SIPA1L3: variants seen among roughly 807,000 people sequenced by gnomAD.
The protein encoded by SIPA1L3 is signal induced proliferation associated 1 like 3, also known as signal-induced proliferation-associated 1-like protein 3.
SIPA1L3 carries 59 observed loss-of-function variants against 150.1 expected under a neutral mutation model. That is an observed-to-expected ratio of 0.39 (90% confidence interval 0.32 to 0.49). The LOEUF (loss-of-function observed/expected upper bound fraction) is 0.49. Ranked by LOEUF, SIPA1L3 falls within the 20% of genes least tolerant of loss-of-function variation. SIPA1L3 has a pLI of 0.86. For missense variants in SIPA1L3, 2,211 were observed against 2,489.5 expected (o/e 0.89, Z 2.38); for synonymous variants, 1,070 against 1,077.6 (o/e 0.99, Z 0.14).
intron 1 of SIPA1L3, among the ~76,000 whole-genome samples, chr19:37,991,962 C>G (rs1347265670): frequency 6.6e-6 from 1 of 152,158 alleles, no homozygotes; most frequent in Non-Finnish European, 1.5e-5. Context: ...CTTCATTTTT[C>G]AAATACCTGC....
chr19:38,204,000 TCTC>T (rs1973148177), intron 20 of SIPA1L3, 124 bp from the exon 21 acceptor site: 1 of 699,376 alleles, frequency 1.4e-6, no homozygotes, highest in Admixed American at 2.7e-5. Context: ...CCTCAGAGCT[TCTC>T]CTCAGGCTTT....
Position 38,164,708 on chromosome 19 carries a change from C to A in SIPA1L3, c.4010C>A (p.Pro1337His), listed in dbSNP as rs370013723. Residue 1337 changes from proline (P) to histidine (H), a missense_variant, in exon 15 of 22, where the codon CCC becomes CAC. Coordinates refer to ENST00000222345, the MANE Select transcript of SIPA1L3 (RefSeq NM_015073.3). This position sits in a 1 kb window ranked among gnomAD's most constrained non-coding sequence, Gnocchi z 4.1. The stretch of plus-strand genomic sequence containing the variant: ...CCACGGCCCGCCAAGCCACACAAGC[C>A]CCCTGGAAGTATGGGCCTTTGTGGC... ...KAPRPAKPHK[P>H]PGSMGLCGGG... 8.7e-6 allele frequency: 14 copies of A among 1,613,990 alleles called. No individual in the cohort carries two copies. Among genetic ancestry groups the A allele is most frequent in the Non-Finnish European group, 2.5e-6 (3 of 1,180,006 alleles).
chr19:38,051,154 A>C (rs1181258423), intron 2 of SIPA1L3, among the ~76,000 whole-genome samples: 2 of 152,220 alleles, frequency 1.3e-5, no homozygotes, highest in Non-Finnish European at 2.9e-5. Context: ...CATTTACCAG[A>C]GTTTTCTCCT....
At chr19:38,196,521 TGGAGGTCAAGGGCAGAGCAA>T (rs1487204309) in intron 18 of SIPA1L3, among the ~76,000 whole-genome samples, 32 of 118,962 alleles carry the variant, frequency 2.7e-4, no homozygotes, top group African/African-American at 1.1e-3. Flanking sequence ...GGGAGGAGCA[TGGAGGTCAAGGGCAGAGCAA>T]GGAGGTCAAG....
At chr19:38,060,578 C>T (rs542402594) in intron 2 of SIPA1L3, among the ~76,000 whole-genome samples, 109 of 152,342 alleles carry the variant, frequency 7.2e-4, no homozygotes, top group African/African-American at 2.5e-3. Context: ...CACCGTCGCT[C>T]CCCTCCCTGA....
chr19:37,978,112 G>A (rs760887273), intron 1 of SIPA1L3, among the ~76,000 whole-genome samples: 1 of 152,292 alleles, frequency 6.6e-6, no homozygotes, highest in South Asian at 2.1e-4. Flanking sequence ...CAGCCTGTCC[G>A]GTGTGACAGT....
At chr19:37,988,194 A>G (rs1203000762) in intron 1 of SIPA1L3, among the ~76,000 whole-genome samples, 1 of 151,976 alleles carries the variant, frequency 6.6e-6, no homozygotes, top group Non-Finnish European at 1.5e-5. Context: ...AGAACCTCCC[A>G]TGGGATCTGG....
intron 1 of SIPA1L3, among the ~76,000 whole-genome samples, chr19:38,002,335 T>C (rs779437167): frequency 6.6e-6 from 1 of 152,206 alleles, no homozygotes; most frequent in Non-Finnish European, 1.5e-5. Flanking sequence ...TTTAGTATCA[T>C]GTCTTTAAGG....
chr19:37,932,961 G>A (rs946079842), intron 1 of SIPA1L3, among the ~76,000 whole-genome samples: 3 of 151,712 alleles, frequency 2.0e-5, no homozygotes, highest in Admixed American at 6.6e-5. Context: ...CTTCTGTGCC[G>A]GGGCTGGGGG....
At chr19:37,966,742 C>T (rs1195711492) in intron 1 of SIPA1L3, among the ~76,000 whole-genome samples, 1 of 152,190 alleles carries the variant, frequency 6.6e-6, no homozygotes, top group African/African-American at 2.4e-5. Context: ...CATTCATGCC[C>T]ACTTACTCTC....
rs559599724 is a variant in SIPA1L3 at position 38,206,572 on chromosome 19, G to A, written c.*332G>A. On this transcript the variant is annotated 3_prime_UTR_variant, in exon 22 of 22. Transcript: ENST00000222345. ...TGGGACCAGCCCTTCGAAGCTGATG[G>A]GGACGGAGAGAGGAGCCAGTCTCCA... 8.6e-5 allele frequency: 19 copies of A among 221,572 alleles called. No individual in the cohort carries two copies. The highest frequency in any genetic ancestry group is 3.6e-4 in the African/African-American group (16 of 44,024). The allele number at this position is 221,572 out of a possible 1,614,324, so 13.7% of individuals were successfully genotyped here.
In SIPA1L3 at chr19:38,059,528, A is replaced by G. The variant is rs73628689; in HGVS notation, c.-310-21728A>G. ...CATGTTAGCTGAGATTTTAAAATAC[A>G]TTTGTATACATTTTAAAGTTGCTTA... On this transcript the variant is annotated intron_variant, in intron 2 of 21. Transcript: ENST00000222345. 1.4e-3 allele frequency among the ~76,000 whole-genome samples: 214 copies of G among 152,216 alleles called. 1 individual carries two copies. The highest frequency in any genetic ancestry group is 5.0e-3 in the African/African-American group (206 of 41,528).
intron 18 of SIPA1L3, among the ~76,000 whole-genome samples, chr19:38,197,054 T>C (rs1972972068): frequency 6.6e-6 from 1 of 152,136 alleles, no homozygotes; most frequent in South Asian, 2.1e-4. Flanking sequence ...CTGGAAGCCA[T>C]GTGAGCCCAG....
intron 6 of SIPA1L3, 158 bp from the exon 7 acceptor site, chr19:38,106,379 T>G: frequency 3.2e-6 from 2 of 625,092 alleles, no homozygotes; most frequent in Non-Finnish European, 2.9e-6. Flanking sequence ...AGTGCTGGGA[T>G]TATAGGTGTG....
At chr19:38,004,448 G>C (rs1417189706) in intron 1 of SIPA1L3, among the ~76,000 whole-genome samples, 1 of 152,208 alleles carries the variant, frequency 6.6e-6, no homozygotes. Context: ...TGGGCTGGCT[G>C]GTCCAGGAGC....
chr19:37,994,854 GA>G (rs1239956600), intron 1 of SIPA1L3, among the ~76,000 whole-genome samples: 1 of 152,194 alleles, frequency 6.6e-6, no homozygotes, highest in Non-Finnish European at 1.5e-5. Context: ...GAGCAGTAGA[GA>G]CGCCCCATTG....
In SIPA1L3 at chr19:37,917,227, C is replaced by T. The variant is rs76239834; in HGVS notation, c.-379+9869C>T. Among the ~76,000 whole-genome samples, 73 of 152,190 alleles carry T rather than the reference C, an allele frequency of 4.8e-4. 1 individual carries two copies. In the East Asian group the frequency reaches 9.8e-3, roughly 20 times the overall value. On this transcript the variant is annotated intron_variant, in intron 1 of 21. Coordinates refer to ENST00000222345, the MANE Select transcript of SIPA1L3 (RefSeq NM_015073.3). ...TGGTACCAGCCATGTTTCAAGTGCT[C>T]GGTGGCTACATGTGGCTAATGGCTA... is the stretch of plus-strand genomic sequence containing the variant.
At chr19:38,117,633 G>A (rs1970917676) in intron 8 of SIPA1L3, among the ~76,000 whole-genome samples, 1 of 148,028 alleles carries the variant, frequency 6.8e-6, no homozygotes, top group African/African-American at 2.5e-5. Flanking sequence ...AAAAAAAAAA[G>A]AGCATTACCT....
chr19:37,911,734 C>G (rs1041231909), intron 1 of SIPA1L3, among the ~76,000 whole-genome samples: 8 of 151,706 alleles, frequency 5.3e-5, no homozygotes, highest in Non-Finnish European at 1.0e-4. Context: ...CTCCTGACCT[C>G]GTGATCCGCC....
Sources: allele counts gnomAD v4.1 joint callset (sites outside exome capture counted in the v4.1 genomes callset), GRCh38; gene constraint gnomAD v4.1.1; non-coding constraint Gnocchi (gnomAD v3.1); transcripts MANE v1.5; gene names NCBI Gene and HGNC (gene_info 2026-07-23, HGNC 2026-07-21).